The following SOCS2 variants were observed in gnomAD, a reference collection of about 807,000 sequenced individuals.
SOCS2 encodes CIS-2.
A neutral mutation model predicts 18.6 loss-of-function variants in SOCS2; 10 were observed. The observed-to-expected ratio is 0.54, with a 90% CI of 0.33 to 0.91. The LOEUF (loss-of-function observed/expected upper bound fraction) is 0.91, where lower values mean the gene tolerates loss of function less well. Among genes scored for constraint, SOCS2 ranks in the 40% least tolerant of loss-of-function variants. SOCS2 has a pLI of 0.02. For missense variants in SOCS2, 231 were observed against 247.2 expected (o/e 0.93, Z 0.44); for synonymous variants, 104 against 104.0 (o/e 1.00, Z 0.00).
chr12:93,612,812 T>C, the SOCS2 span, among the ~76,000 whole-genome samples: 1 of 152,186 alleles, frequency 6.6e-6, no homozygotes, highest in Admixed American at 6.5e-5. Flanking sequence ...ACCCTTCTCC[T>C]TTCTTTAAAG....
chr12:93,581,523 C>G (rs1056747131), downstream of SOCS2, among the ~76,000 whole-genome samples: 8 of 152,072 alleles, frequency 5.3e-5, no homozygotes, highest in Admixed American at 6.5e-5. Flanking sequence ...TCTGGGGTAT[C>G]TGTAGCTACC....
At chr12:93,571,908 G>T (rs1299641573), upstream of SOCS2, 2 of 432,536 alleles carry the variant, frequency 4.6e-6, no homozygotes, top group Admixed American at 2.5e-5. Context: ...CCGCGGCCGA[G>T]GTCGAGGTAA....
chr12:93,602,416 T>C, the SOCS2 span, among the ~76,000 whole-genome samples: 1 of 152,318 alleles, frequency 6.6e-6, no homozygotes, highest in Non-Finnish European at 1.5e-5. Flanking sequence ...ATTTGTAGCA[T>C]ATACATACAC....
At chr12:93,589,304 A>G in the SOCS2 span, among the ~76,000 whole-genome samples, 1 of 152,232 alleles carries the variant, frequency 6.6e-6, no homozygotes, top group African/African-American at 2.4e-5. Flanking sequence ...CACCATGTAC[A>G]CCATATTCTA....
chr12:93,585,266 C>G (rs1482681505), downstream of SOCS2, among the ~76,000 whole-genome samples: 2 of 152,184 alleles, frequency 1.3e-5, no homozygotes, highest in Admixed American at 1.3e-4. Context: ...CTATACACAT[C>G]TGTCATAATC....
At position 93,575,268 on chromosome 12, in the gene SOCS2, A is replaced by G. The variant is rs1954429753; in HGVS notation, c.*89A>G. 1.2e-6 allele frequency: 1 copy of G among 848,934 alleles called. No individual in the cohort carries two copies. The highest frequency in any genetic ancestry group is 2.2e-5 in the South Asian group (1 of 46,310). The allele number at this position is 848,934 out of a possible 1,614,324, so 52.6% of individuals were successfully genotyped here. A position where few individuals can be genotyped will look rare whatever the true frequency, so the allele number is the denominator to read the frequency against. On this transcript the variant is annotated 3_prime_UTR_variant, in exon 2 of 2. Transcript: ENST00000551556. ...AACCAAAACTTGAGTGCTCTGGATA[A>G]CTATATGGAATGCTTTCTAAGAACA...
chr12:93,623,273 C>T, the SOCS2 span, among the ~76,000 whole-genome samples: 826 of 152,164 alleles, frequency 5.4e-3, 5 homozygotes, highest in African/African-American at 0.019. Flanking sequence ...CCATGTAAGA[C>T]GTGCCTTGCT....
chr12:93,604,856 C>A, the SOCS2 span, among the ~76,000 whole-genome samples: 3 of 151,958 alleles, frequency 2.0e-5, no homozygotes, highest in South Asian at 4.2e-4. Context: ...AGACAGGGTC[C>A]CACTATGTTG....
At chr12:93,602,507 C>T in the SOCS2 span, among the ~76,000 whole-genome samples, 2 of 152,090 alleles carry the variant, frequency 1.3e-5, no homozygotes, top group South Asian at 2.1e-4. Context: ...AATGTGTGAA[C>T]GTGCTTCCTG....
downstream of SOCS2, among the ~76,000 whole-genome samples, chr12:93,581,554 A>C (rs898469859): frequency 6.6e-6 from 1 of 152,148 alleles, no homozygotes; most frequent in African/African-American, 2.4e-5. Context: ...CTTAGTAGGA[A>C]GGTGTTAGGC....
chr12:93,585,226 G>C (rs367700135), downstream of SOCS2, among the ~76,000 whole-genome samples: 2 of 151,816 alleles, frequency 1.3e-5, no homozygotes, highest in African/African-American at 4.8e-5. Flanking sequence ...CCAAACTCTC[G>C]GTGGCTTAAA....
At chr12:93,582,320 A>G (rs1330728218) in intron 1 of SOCS2, among the ~76,000 whole-genome samples, 1 of 152,184 alleles carries the variant, frequency 6.6e-6, no homozygotes, top group Non-Finnish European at 1.5e-5. Flanking sequence ...CTTGGAATTT[A>G]TCCTGAGGGC....
Position 93,575,050 on chromosome 12 carries a change from C to G in SOCS2, c.468C>G (p.Leu156=). ...GTVHLYLTKP[L]YTSAPSLQHL... is the part of the protein sequence containing the mutation. ...TTCACCTTTATCTGACCAAACCGCT[C>G]TACACGTCAGCACCATCTCTGCAGC... The change falls in exon 2 of 2, where the codon CTC becomes CTG. Residue 156 remains leucine (L), a synonymous_variant. Coordinates refer to ENST00000551556, the MANE Select transcript of SOCS2 (RefSeq NM_001270471.2). 5 of 1,614,168 alleles carry G rather than the reference C, an allele frequency of 3.1e-6. No homozygotes were observed. The highest frequency in any genetic ancestry group is 4.2e-6 in the Non-Finnish European group (5 of 1,180,028).
chr12:93,602,730 A>G, the SOCS2 span, among the ~76,000 whole-genome samples: 98 of 152,020 alleles, frequency 6.4e-4, no homozygotes, highest in African/African-American at 2.3e-3. Flanking sequence ...ACTCCCCTTC[A>G]CTTCTCAGCT....
chr12:93,575,317 T>A lies in SOCS2; in HGVS notation c.*138T>A. ...CAGCTGAAGCTAATCTAATTTAAAT[T>A]TAACAGCTTGAAGAGGTAGCTAGGT... is the stretch of plus-strand genomic sequence containing the variant. On this transcript the variant is annotated 3_prime_UTR_variant, in exon 2 of 2. Transcript: ENST00000551556. The A allele has an allele frequency of 1.7e-6, 1 of 590,698 alleles. No homozygotes were observed. Among genetic ancestry groups the A allele is most frequent in the Non-Finnish European group, 2.8e-6 (1 of 356,404 alleles). 36.6% of individuals were successfully genotyped at this position (590,698 alleles called of 1,614,324 possible). A position where few individuals can be genotyped will look rare whatever the true frequency, so the allele number is the denominator to read the frequency against.
chr12:93,572,859 C>G lies in SOCS2; in HGVS notation c.-39C>G. 1 of 1,558,478 alleles carries G rather than the reference C, an allele frequency of 6.4e-7. No individual in the cohort carries two copies. The highest frequency in any genetic ancestry group is 8.7e-7 in the Non-Finnish European group (1 of 1,150,704). On this transcript the variant is annotated 5_prime_UTR_variant, in exon 1 of 2. Coordinates refer to ENST00000551556, the MANE Select transcript of SOCS2 (RefSeq NM_001270471.2). This position sits in a 1 kb window ranked among gnomAD's most constrained non-coding sequence, Gnocchi z 5.0. The stretch of plus-strand genomic sequence containing the variant: ...CGCGAACCCTTCTCTGACCCCAGCT[C>G]GGGCGGCCACCTGTCTTTGCCGCGG...
chr12:93,602,166 G>A, the SOCS2 span, among the ~76,000 whole-genome samples: 1 of 152,186 alleles, frequency 6.6e-6, no homozygotes, highest in African/African-American at 2.4e-5. Context: ...GATCACAGCT[G>A]CCTGAAGCCT....
the SOCS2 span, among the ~76,000 whole-genome samples, chr12:93,626,175 T>C: frequency 6.6e-6 from 1 of 152,210 alleles, no homozygotes; most frequent in South Asian, 2.1e-4. Context: ...ATCCCACAGA[T>C]GCCGTTCTCT....
At chr12:93,611,326 C>T in the SOCS2 span, among the ~76,000 whole-genome samples, 1 of 152,192 alleles carries the variant, frequency 6.6e-6, no homozygotes, top group African/African-American at 2.4e-5. Context: ...CAACCTCCAC[C>T]TCCTTGGTTC....
Sources: gnomAD v4.1 joint callset for allele counts (sites outside exome capture counted in the v4.1 genomes callset) on GRCh38, gnomAD v4.1.1 for gene constraint, Gnocchi (gnomAD v3.1) non-coding constraint, MANE v1.5 for transcripts, NCBI Gene and HGNC (gene_info 2026-07-23, HGNC 2026-07-21) for gene names.